SLC2A2: variants seen among roughly 807,000 people sequenced by gnomAD.
SLC2A2 encodes solute carrier family 2 member 2, also known as solute carrier family 2, facilitated glucose transporter member 2.
A neutral mutation model predicts 54.5 loss-of-function variants in SLC2A2; 36 were observed. That is an observed-to-expected ratio of 0.66 (90% CI 0.51 to 0.87). SLC2A2 has a LOEUF of 0.87. Ranked by LOEUF, SLC2A2 falls within the 40% of genes least tolerant of loss-of-function variation. The pLI, the probability that SLC2A2 is intolerant of heterozygous loss-of-function variation, is 0.00. For missense variants in SLC2A2, 543 were observed against 624.3 expected (o/e 0.87, Z 1.39); for synonymous variants, 223 against 219.1 (o/e 1.02, Z -0.16).
intron 1 of SLC2A2, among the ~76,000 whole-genome samples, chr3:171,025,878 G>T (rs1056354579): frequency 6.6e-6 from 1 of 152,118 alleles, no homozygotes; most frequent in Admixed American, 6.5e-5. Flanking sequence ...TATCTAGAGA[G>T]AAGTTGAAAC....
chr3:171,014,271 T>C lies in SLC2A2; in HGVS notation c.371+198A>G, dbSNP rs139717311. 3.4e-3 allele frequency among the ~76,000 whole-genome samples: 516 copies of C among 152,294 alleles called. 3 individuals are homozygous for C. The highest frequency in any genetic ancestry group is 0.012 in the African/African-American group (487 of 41,556). Reference sequence around the variant, plus strand: ...ACAAAACTCATGTTTGGTATAAATGTCTGAACAATTAACCAAACTGTCGCA... The same window carrying C: ...ACAAAACTCATGTTTGGTATAAATGCCTGAACAATTAACCAAACTGTCGCA... On this transcript the variant is annotated intron_variant, in intron 3 of 10. Coordinates refer to ENST00000314251, the MANE Select transcript of SLC2A2 (RefSeq NM_000340.2).
rs1197917542 is a variant in SLC2A2, at chr3:170,998,238, A to G, written c.1329T>C (p.Asn443=). 4.3e-6 allele frequency: 7 copies of G among 1,613,728 alleles called. No homozygotes were observed. The highest frequency in any genetic ancestry group is 2.7e-5 in the African/African-American group (2 of 74,906). The change falls in exon 10 of 11, where the codon AAT becomes AAC. Residue 443 remains asparagine (N), a synonymous_variant. Coordinates refer to ENST00000314251, the MANE Select transcript of SLC2A2 (RefSeq NM_000340.2). ...PAALAIAAFS[N]WTCNFIVALC... ...GAGCTACAATGAAATTGCAGGTCCAATTGCTGAATGCAGCTATTGCTAAAG... is the reference window on the plus strand; with the variant it reads ...GAGCTACAATGAAATTGCAGGTCCAGTTGCTGAATGCAGCTATTGCTAAAG...
At chr3:171,009,415 G>A (rs2108249349) in intron 4 of SLC2A2, among the ~76,000 whole-genome samples, 1 of 152,168 alleles carries the variant, frequency 6.6e-6, no homozygotes, top group Non-Finnish European at 1.5e-5. Flanking sequence ...GCTGGGGAAT[G>A]TGGTCTAAGA....
chr3:171,014,111 C>A (rs1489703656), intron 3 of SLC2A2, among the ~76,000 whole-genome samples: 3 of 152,172 alleles, frequency 2.0e-5, no homozygotes, highest in Admixed American at 1.3e-4. Context: ...GTGAAGCAAA[C>A]AATGGACTCC....
intron 8 of SLC2A2, among the ~76,000 whole-genome samples, chr3:171,001,319 T>C (rs1424602701): frequency 6.6e-6 from 1 of 152,090 alleles, no homozygotes; most frequent in African/African-American, 2.4e-5. Context: ...AAAGGGTGAA[T>C]AGTCCCTTGG....
intron 1 of SLC2A2, among the ~76,000 whole-genome samples, chr3:171,020,607 G>T (rs1716413276): frequency 1.3e-5 from 2 of 152,094 alleles, no homozygotes; most frequent in Admixed American, 1.3e-4. Flanking sequence ...AATTGGCCAG[G>T]CATAGTGGCT....
chr3:171,010,994 C>T (rs1715857182), intron 3 of SLC2A2, among the ~76,000 whole-genome samples: 1 of 151,984 alleles, frequency 6.6e-6, no homozygotes, highest in South Asian at 2.1e-4. Flanking sequence ...ATGTTTGTGC[C>T]AAAAGAAATG....
chr3:171,025,443 C>T (rs765577677), intron 1 of SLC2A2, among the ~76,000 whole-genome samples: 21 of 151,562 alleles, frequency 1.4e-4, no homozygotes, highest in Non-Finnish European at 2.9e-4. Context: ...TTAATTACTC[C>T]CTAACTCTAA....
chr3:171,021,296 C>T (rs114212211), intron 1 of SLC2A2, among the ~76,000 whole-genome samples: 1,937 of 152,276 alleles, frequency 0.013, 45 homozygotes, highest in African/African-American at 0.044. Flanking sequence ...ACCCACTTCC[C>T]TCATACTCTC....
At chr3:171,019,004 T>G (rs1716292287) in intron 1 of SLC2A2, among the ~76,000 whole-genome samples, 2 of 151,062 alleles carry the variant, frequency 1.3e-5, no homozygotes, top group Admixed American at 1.3e-4. Context: ...TCCACCCAAA[T>G]AGTCCTCATG....
chr3:170,998,919 T>A, intron 9 of SLC2A2, 146 bp downstream of exon 9: 1 of 714,008 alleles, frequency 1.4e-6, no homozygotes, highest in Non-Finnish European at 2.6e-6. Context: ...TTTATATATC[T>A]CCTTTGATTT....
rs776435170 is a variant in SLC2A2 at position 171,002,605 on chromosome 3, C to T, written c.1039G>A (p.Ala347Thr). 9.1e-5 allele frequency: 147 copies of T among 1,609,872 alleles called. No homozygotes were observed. Among genetic ancestry groups the T allele is most frequent in the Non-Finnish European group, 1.2e-4 (139 of 1,177,218 alleles). ...ACAGCAGTGAAAACCATGTTTACAG[C>T]GCCAACTCCAATGGTTGCATAAACA... ...KPVYATIGVG[A>T]VNMVFTAVSV... The change falls in exon 8 of 11, where the codon GCT (alanine) becomes ACT (threonine). Residue 347 changes from alanine to threonine, a missense_variant. Physicochemically the swap from Ala to Thr is moderately conservative, Grantham distance 58. This residue lies in a region of SLC2A2 where 117 missense variants were observed against 179.2 expected (regional missense o/e 0.65). Coordinates refer to ENST00000314251, the MANE Select transcript of SLC2A2 (RefSeq NM_000340.2).
rs769265534 is a variant in SLC2A2, at chr3:171,013,234, A to G, written c.371+1235T>C. 3.5e-4 allele frequency among the ~76,000 whole-genome samples: 53 copies of G among 152,020 alleles called. 1 individual carries two copies. Among genetic ancestry groups the G allele is most frequent in the Non-Finnish European group, 6.2e-4 (42 of 68,010 alleles). On this transcript the variant is annotated intron_variant, in intron 3 of 10. Transcript: ENST00000314251. ...GAAATAATTTACTTTAGCAATAAAT[A>G]ATTAATCTAGAGAATTCTCCATTTA...
chr3:171,008,431 G>A (rs1052233322), intron 4 of SLC2A2, among the ~76,000 whole-genome samples: 4 of 152,014 alleles, frequency 2.6e-5, no homozygotes, highest in African/African-American at 7.2e-5. Flanking sequence ...ACAGAATAAT[G>A]TAGATAAGCT....
Sources: allele counts gnomAD v4.1 joint callset (sites outside exome capture counted in the v4.1 genomes callset), GRCh38; gene constraint gnomAD v4.1.1; regional missense constraint gnomAD v4.1.1; transcripts MANE v1.5; gene names NCBI Gene and HGNC (gene_info 2026-07-23, HGNC 2026-07-21).